Variants in KCNIP1 observed in about 807,000 individuals in gnomAD.
The protein encoded by KCNIP1 is A-type potassium channel modulatory protein KCNIP1.
In KCNIP1, 18 loss-of-function variants were observed where a neutral mutation model predicts 33.0. The observed-to-expected ratio is 0.55, with a 90% CI of 0.38 to 0.81. KCNIP1 has a LOEUF of 0.81. KCNIP1 is among the 30% of genes least tolerant of loss of function. KCNIP1 has a pLI of 0.00. For missense variants in KCNIP1, 238 were observed against 271.6 expected (o/e 0.88, Z 0.87); for synonymous variants, 93 against 98.3 (o/e 0.95, Z 0.32).
chr5:170,441,864 A>G (rs1459371388), intron 1 of KCNIP1, among the ~76,000 whole-genome samples: 2 of 147,696 alleles, frequency 1.4e-5, no homozygotes, highest in Non-Finnish European at 3.0e-5. Flanking sequence ...AGGCAGGAGA[A>G]TGGCGTGAAC....
rs11134627 is a variant in KCNIP1 at position 170,376,909 on chromosome 5, A to C, written c.88+22945A>C. The C allele has an allele frequency of 3.3e-5, 5 of 152,366 alleles. No homozygotes were observed. The East Asian group carries it at 9.6e-4, about 29-fold the overall frequency. The allele number at this position is 152,366 out of a possible 1,614,324, so 9.4% of individuals were successfully genotyped here. ...AAAACACACACACAAAACAAACAAAAAAAACTATAGTTGCCATTTTAAACA... is the reference window on the plus strand; with the variant it reads ...AAAACACACACACAAAACAAACAAACAAAACTATAGTTGCCATTTTAAACA... On this transcript the variant is annotated intron_variant, in intron 1 of 7. Coordinates refer to the KCNIP1 transcript ENST00000377360.
At chr5:170,520,508 CG>C (rs1331347555) in intron 1 of KCNIP1, among the ~76,000 whole-genome samples, 10 of 152,326 alleles carry the variant, frequency 6.6e-5, no homozygotes, top group Non-Finnish European at 1.3e-4. Flanking sequence ...CCTGGGGCCT[CG>C]CACATCATTG....
intron 1 of KCNIP1, among the ~76,000 whole-genome samples, chr5:170,628,526 C>T (rs543211453): frequency 1.7e-4 from 26 of 152,238 alleles, no homozygotes; most frequent in Admixed American, 5.9e-4. Flanking sequence ...TCATATTGTG[C>T]CCTACAAGCC....
chr5:170,561,244 G>A, intron 1 of KCNIP1: 1 of 394,352 alleles, frequency 2.5e-6, no homozygotes, highest in South Asian at 1.9e-5. Context: ...CTGCTTGGCT[G>A]GCCCCTGCAT....
chr5:170,390,539 T>TATATATATATATATATATA (rs1581143220), intron 1 of KCNIP1, among the ~76,000 whole-genome samples: 10 of 133,768 alleles, frequency 7.5e-5, no homozygotes, highest in South Asian at 2.2e-4. Flanking sequence ...TATATATATA[T>TATATATATATATATATATA]TTTCAACAAA....
rs922916997 is a variant in KCNIP1, at chr5:170,384,720, C to T, written c.88+30756C>T. 6.6e-5 allele frequency among the ~76,000 whole-genome samples: 10 copies of T among 152,320 alleles called. No individual in the cohort carries two copies. In the South Asian group the frequency reaches 1.7e-3, roughly 25 times the overall value. On this transcript the variant is annotated intron_variant, in intron 1 of 7. Coordinates refer to the KCNIP1 transcript ENST00000377360. ...CCAAATAGAACACGAATTAGGAATTCACAGCTTTTCCTTAAAATCTCAAGT... is the reference window on the plus strand; with the variant it reads ...CCAAATAGAACACGAATTAGGAATTTACAGCTTTTCCTTAAAATCTCAAGT...
intron 1 of KCNIP1, among the ~76,000 whole-genome samples, chr5:170,396,093 T>G (rs314121): frequency 0.18 from 27,474 of 152,158 alleles, 2,614 homozygotes; most frequent in African/African-American, 0.22. Flanking sequence ...TGGAGAGCTG[T>G]TTTGCCAGCA....
chr5:170,521,779 T>G (rs990483994), intron 1 of KCNIP1, among the ~76,000 whole-genome samples: 1 of 152,228 alleles, frequency 6.6e-6, no homozygotes, highest in African/African-American at 2.4e-5. Flanking sequence ...CAATTATACT[T>G]TAGGGTAACC....
intron 1 of KCNIP1, chr5:170,422,713 A>G (rs1050770689): frequency 6.6e-6 from 1 of 152,260 alleles, no homozygotes; most frequent in East Asian, 1.9e-4. Context: ...GTACCTCATG[A>G]TATTAATAGA....
chr5:170,448,239 G>C (rs182906011), intron 1 of KCNIP1, among the ~76,000 whole-genome samples: 6 of 152,234 alleles, frequency 3.9e-5, no homozygotes, highest in African/African-American at 1.4e-4. Context: ...CACTATCACT[G>C]CCTGGCAGCA....
intron 1 of KCNIP1, among the ~76,000 whole-genome samples, chr5:170,696,763 G>A (rs766633959): frequency 2.0e-5 from 3 of 152,170 alleles, no homozygotes; most frequent in Admixed American, 6.5e-5. Context: ...AAGTGACTGT[G>A]TGTGTCTGTG....
chr5:170,719,947 C>T (rs1763761902), intron 2 of KCNIP1, among the ~76,000 whole-genome samples: 1 of 152,186 alleles, frequency 6.6e-6, no homozygotes, highest in South Asian at 2.1e-4. Context: ...GACTCAATAC[C>T]ACCTAACATA....
At position 170,504,178 on chromosome 5, in the gene KCNIP1, G is replaced by A; in HGVS notation, c.-395G>A. ...GGGGAGCCGAGTGTGCGGCAGGAGGGGCGGGCGGACGGCGGCTCCCGCACC... is the reference window on the plus strand; with the variant it reads ...GGGGAGCCGAGTGTGCGGCAGGAGGAGCGGGCGGACGGCGGCTCCCGCACC... On this transcript the variant is annotated 5_prime_UTR_variant, in exon 1 of 8. Transcript: ENST00000328939. This position sits in a 1 kb window ranked among gnomAD's most constrained non-coding sequence, Gnocchi z 6.0. 9.9e-7 allele frequency: 1 copy of A among 1,013,968 alleles called. No homozygotes were observed. The highest frequency in any genetic ancestry group is 1.2e-6 in the Non-Finnish European group (1 of 849,392). The allele number at this position is 1,013,968 out of a possible 1,614,324, so 62.8% of individuals were successfully genotyped here.
chr5:170,683,894 A>ATATG (rs1762450423), intron 1 of KCNIP1, among the ~76,000 whole-genome samples: 1 of 91,636 alleles, frequency 1.1e-5, no homozygotes, highest in Non-Finnish European at 2.2e-5. Flanking sequence ...CAGCTAGTGT[A>ATATG]TGTGTGTGTG....
intron 1 of KCNIP1, among the ~76,000 whole-genome samples, chr5:170,491,487 TTCC>T (rs1757205502): frequency 6.6e-6 from 1 of 152,194 alleles, no homozygotes; most frequent in Admixed American, 6.5e-5. Flanking sequence ...GTGCTCATAT[TTCC>T]TCCTCATCAC....
intron 1 of KCNIP1, among the ~76,000 whole-genome samples, chr5:170,676,077 A>G (rs968906002): frequency 1.5e-5 from 2 of 137,452 alleles, no homozygotes; most frequent in Non-Finnish European, 1.5e-5. Flanking sequence ...GAAAGAAGGA[A>G]GGGAGGAAGA....
intron 1 of KCNIP1, among the ~76,000 whole-genome samples, chr5:170,386,492 C>T (rs779461377): frequency 3.9e-5 from 6 of 152,276 alleles, no homozygotes; most frequent in South Asian, 2.1e-4. Context: ...ATGCGGTGAG[C>T]GAGCAGTACA....
intron 1 of KCNIP1, among the ~76,000 whole-genome samples, chr5:170,384,095 TTGCAACA>T (rs754911904): frequency 1.3e-5 from 2 of 152,182 alleles, no homozygotes; most frequent in Non-Finnish European, 2.9e-5. Context: ...TTGGCTACTC[TTGCAACA>T]ACCTGGGGAG....
chr5:170,470,045 T>C (rs967932056), intron 1 of KCNIP1, among the ~76,000 whole-genome samples: 2 of 152,164 alleles, frequency 1.3e-5, no homozygotes, highest in African/African-American at 4.8e-5. Context: ...GTGGAATTGA[T>C]ATCCCTGTGT....
Sources: allele counts gnomAD v4.1 joint callset (sites outside exome capture counted in the v4.1 genomes callset), GRCh38; gene constraint gnomAD v4.1.1; non-coding constraint Gnocchi (gnomAD v3.1); transcripts MANE v1.5; gene names NCBI Gene and HGNC (gene_info 2026-07-23, HGNC 2026-07-21).